Variants in NTNG2 observed in about 807,000 individuals in gnomAD.
The protein encoded by NTNG2 is netrin-G2.
NTNG2 carries 15 observed loss-of-function variants against 47.6 expected under a neutral mutation model. That is an observed-to-expected ratio of 0.32 (90% confidence interval 0.21 to 0.49). NTNG2 has a LOEUF of 0.49. NTNG2 is among the 20% of genes least tolerant of loss of function. The pLI is 0.99. For synonymous variants in NTNG2, 307 were observed against 324.6 expected, an observed-to-expected ratio of 0.95 and a Z score of 0.58; for missense variants, 578 against 764.6, an observed-to-expected ratio of 0.76 and a Z score of 2.88.
At chr9:132,178,447 A>G (rs997899394) in intron 2 of NTNG2, among the ~76,000 whole-genome samples, 5 of 152,128 alleles carry the variant, frequency 3.3e-5, no homozygotes, top group African/African-American at 1.2e-4. Context: ...TCAAATAGAG[A>G]CACACAACTT....
chr9:132,235,921 G>A (rs1402607822), intron 5 of NTNG2, among the ~76,000 whole-genome samples: 4 of 152,252 alleles, frequency 2.6e-5, no homozygotes, highest in Admixed American at 6.5e-5. Flanking sequence ...GTGAGGGAGC[G>A]GCCTGGTAGA....
intron 2 of NTNG2, among the ~76,000 whole-genome samples, chr9:132,172,472 C>T (rs1045062884): frequency 2.6e-5 from 4 of 152,164 alleles, no homozygotes; most frequent in African/African-American, 7.2e-5. Flanking sequence ...GTCATGAGCA[C>T]GGTGCTTGGC....
At position 132,163,967 on chromosome 9, in the gene NTNG2, A is replaced by C. The variant is rs1191867179; in HGVS notation, c.-484+1728A>C. On this transcript the variant is annotated intron_variant, in intron 1 of 7. Transcript: ENST00000393229. This position sits in a 1 kb window ranked among gnomAD's most constrained non-coding sequence, Gnocchi z 7.2. ...TCAGGTGAAGATAAATTTTCCACGG[A>C]GAAAACGATCCTCCGGGATGCAGCT... Among the ~76,000 whole-genome samples, 1 of 152,208 alleles carries C rather than the reference A, an allele frequency of 6.6e-6. No homozygotes were observed. Among genetic ancestry groups the C allele is most frequent in the Non-Finnish European group, 1.5e-5 (1 of 68,036 alleles).
chr9:132,178,760 G>A (rs989783700), intron 2 of NTNG2, among the ~76,000 whole-genome samples: 14 of 147,646 alleles, frequency 9.5e-5, no homozygotes, highest in Non-Finnish European at 1.8e-4. Flanking sequence ...GGGTGACATG[G>A]TGAAACCCCA....
intron 3 of NTNG2, among the ~76,000 whole-genome samples, chr9:132,210,371 C>A (rs1209665012): frequency 6.6e-6 from 1 of 152,194 alleles, no homozygotes. Context: ...TATTTTGTCA[C>A]CTGAACACAC....
rs534094544 is a variant in NTNG2 at position 132,219,071 on chromosome 9, G to T, written c.858-7778G>T. Among the ~76,000 whole-genome samples the T allele has an allele frequency of 1.9e-4, 29 of 152,232 alleles. No homozygotes were observed. The South Asian group carries it at 6.0e-3, about 32-fold the overall frequency. On this transcript the variant is annotated intron_variant, in intron 3 of 7. Transcript: ENST00000393229. ...TCCATCACCCTAAAAAGACACTCTG[G>T]CCGGGTGTGGTGGCACACGCCTGTA...
intron 2 of NTNG2, among the ~76,000 whole-genome samples, chr9:132,174,036 G>A (rs12001942): frequency 0.013 from 1,799 of 141,714 alleles, 63 homozygotes; most frequent in East Asian, 0.046. Flanking sequence ...GGACAGGCAG[G>A]CAGGCCACAC....
At chr9:132,175,028 G>A (rs1187912385) in intron 2 of NTNG2, among the ~76,000 whole-genome samples, 2 of 152,286 alleles carry the variant, frequency 1.3e-5, no homozygotes, top group East Asian at 3.9e-4. Flanking sequence ...GGCACAGGCT[G>A]TGGGCTCAGA....
At chr9:132,170,080 G>A (rs935333489) in intron 2 of NTNG2, among the ~76,000 whole-genome samples, 7 of 152,090 alleles carry the variant, frequency 4.6e-5, no homozygotes, top group Admixed American at 3.9e-4. Flanking sequence ...CAGGTGCTAC[G>A]TGTGTCCCAA....
At chr9:132,191,941 T>G (rs1238752984) in intron 2 of NTNG2, among the ~76,000 whole-genome samples, 1 of 152,212 alleles carries the variant, frequency 6.6e-6, no homozygotes, top group African/African-American at 2.4e-5. Flanking sequence ...TTGTTGTTGT[T>G]TTAATTTTCA....
Position 132,208,260 on chromosome 9 carries a change from G to A in NTNG2, c.857+9651G>A, listed in dbSNP as rs1322203848. On this transcript the variant is annotated intron_variant, in intron 3 of 7. Coordinates refer to ENST00000393229, the MANE Select transcript of NTNG2 (RefSeq NM_032536.4). The surrounding 1 kb of genome is among the most constrained non-coding windows in gnomAD (Gnocchi z 4.0). Reference sequence around the variant, plus strand: ...GGCAGGGGGACAGCAGGCAGGACAGGTGCAGTGCCTTCTAAGGACTCAGTG... The same window carrying A: ...GGCAGGGGGACAGCAGGCAGGACAGATGCAGTGCCTTCTAAGGACTCAGTG... Among the ~76,000 whole-genome samples the A allele has an allele frequency of 1.3e-5, 2 of 152,132 alleles. No homozygotes were observed. The highest frequency in any genetic ancestry group is 3.9e-4 in the East Asian group (2 of 5,190).
intron 3 of NTNG2, among the ~76,000 whole-genome samples, chr9:132,201,698 T>C (rs1370967699): frequency 1.3e-5 from 2 of 152,180 alleles, no homozygotes; most frequent in East Asian, 3.9e-4. Flanking sequence ...ACAGCAAACG[T>C]TTATCGAGCA....
rs147571018 is a variant in NTNG2 at position 132,181,168 on chromosome 9, C to A, written c.213+14124C>A. On this transcript the variant is annotated intron_variant, in intron 2 of 7. Transcript: ENST00000393229. ...AAGCAGTCTTGGCTCACTGCAGCCT[C>A]GACCTCCTGGGCTCCAGTGATCCTC... Among the ~76,000 whole-genome samples, 989 of 152,196 alleles carry A rather than the reference C, an allele frequency of 6.5e-3. 9 individuals are homozygous for A. Among genetic ancestry groups the A allele is most frequent in the African/African-American group, 0.023 (951 of 41,500 alleles).
At position 132,162,164 on chromosome 9, in the gene NTNG2, G is replaced by A. The variant is rs926674070; in HGVS notation, c.-559G>A. 1.2e-4 allele frequency: 18 copies of A among 152,586 alleles called. No homozygotes were observed. The South Asian group carries it at 2.5e-3, about 21-fold the overall frequency. 9.5% of individuals were successfully genotyped at this position (152,586 alleles called of 1,614,324 possible). On this transcript the variant is annotated 5_prime_UTR_variant, in exon 1 of 8. Coordinates refer to ENST00000393229, the MANE Select transcript of NTNG2 (RefSeq NM_032536.4). The surrounding 1 kb of genome is among the most constrained non-coding windows in gnomAD (Gnocchi z 4.6). ...GCCCCCACCCAGCGCCAGCCCGAGG[G>A]GGGAGGCGCAGCGCCGGAGGGTGGC...
At chr9:132,207,832 G>A (rs1048122824) in intron 3 of NTNG2, among the ~76,000 whole-genome samples, 23 of 152,194 alleles carry the variant, frequency 1.5e-4, no homozygotes, top group African/African-American at 9.7e-5. Flanking sequence ...GGCCAGGCAC[G>A]GTGGCTCACG....
At chr9:132,201,368 C>T (rs1285858905) in intron 3 of NTNG2, among the ~76,000 whole-genome samples, 4 of 152,208 alleles carry the variant, frequency 2.6e-5, no homozygotes, top group Non-Finnish European at 4.4e-5. Flanking sequence ...ACAATCAATT[C>T]AGAGAGAGAG....
At chr9:132,171,335 G>A (rs1264789238) in intron 2 of NTNG2, among the ~76,000 whole-genome samples, 1 of 152,172 alleles carries the variant, frequency 6.6e-6, no homozygotes, top group Non-Finnish European at 1.5e-5. Context: ...CGACTTCCTG[G>A]GAGAGGAAAC....
chr9:132,198,588 C>T lies in NTNG2; in HGVS notation c.836C>T (p.Ser279Phe), dbSNP rs754645109. The T allele has an allele frequency of 8.1e-6, 13 of 1,608,782 alleles. No individual in the cohort carries two copies. ...ENLYKYFYAI[S>F]NIEVIGRCKC... Reference sequence around the variant, plus strand: ...CTCTACAAGTACTTCTACGCCATCTCCAACATCGAGGTCATCGGCAGGTAA... The same window carrying T: ...CTCTACAAGTACTTCTACGCCATCTTCAACATCGAGGTCATCGGCAGGTAA... Residue 279 changes from serine (S) to phenylalanine (F), a missense_variant, in exon 3 of 8, where the codon TCC becomes TTC. Physicochemically the swap from Ser to Phe is radical, Grantham distance 155 (BLOSUM62 -2). Transcript: ENST00000393229.
In NTNG2 at chr9:132,209,386, G is replaced by A. The variant is rs1171645903; in HGVS notation, c.857+10777G>A. ...GTGAAGCGCAGGCGAGACTGGGCGC[G>A]GGGAGTCCTGAGCTCCGCGGTGACG... On this transcript the variant is annotated intron_variant, in intron 3 of 7. Transcript: ENST00000393229. Among the ~76,000 whole-genome samples the A allele has an allele frequency of 2.0e-5, 3 of 152,224 alleles. No individual in the cohort carries two copies. The East Asian group carries it at 5.8e-4, about 29-fold the overall frequency.
Sources: gnomAD v4.1 joint callset for allele counts (sites outside exome capture counted in the v4.1 genomes callset) on GRCh38, gnomAD v4.1.1 for gene constraint, Gnocchi (gnomAD v3.1) non-coding constraint, MANE v1.5 for transcripts, NCBI Gene and HGNC (gene_info 2026-07-23, HGNC 2026-07-21) for gene names.